Variants in ADAM10 observed in about 807,000 individuals in gnomAD.
ADAM10 encodes ADAM metallopeptidase domain 10, also known as disintegrin and metalloproteinase domain-containing protein 10.
In ADAM10, 17 loss-of-function variants were observed where a neutral mutation model predicts 90.1. That is an observed-to-expected ratio of 0.19 (90% confidence interval 0.13 to 0.28). The LOEUF (loss-of-function observed/expected upper bound fraction) is 0.28. Ranked by LOEUF, ADAM10 falls within the 10% of genes least tolerant of loss-of-function variation. The pLI is 1.00. For synonymous variants in ADAM10, 310 were observed against 298.6 expected (o/e 1.04, Z -0.40); for missense variants, 610 against 914.3 (o/e 0.67, Z 4.29).
At chr15:58,630,659 T>C (rs1356365771) in intron 9 of ADAM10, among the ~76,000 whole-genome samples, 2 of 152,150 alleles carry the variant, frequency 1.3e-5, no homozygotes, top group Non-Finnish European at 2.9e-5. Context: ...GCACAATAAA[T>C]ATTTCAGATA....
chr15:58,610,727 T>C, intron 13 of ADAM10: 3 of 660,534 alleles, frequency 4.5e-6, no homozygotes, highest in Non-Finnish European at 8.0e-6. Context: ...AAGTCTTGAC[T>C]CAGTGTCCAC....
At chr15:58,682,990 G>A (rs949512267) in intron 2 of ADAM10, among the ~76,000 whole-genome samples, 23 of 152,224 alleles carry the variant, frequency 1.5e-4, no homozygotes, top group African/African-American at 1.2e-4. Flanking sequence ...GTTTAGAATC[G>A]AATTGGAATC....
intron 2 of ADAM10, among the ~76,000 whole-genome samples, chr15:58,709,959 T>C (rs1898421415): frequency 6.6e-6 from 1 of 152,064 alleles, no homozygotes; most frequent in Non-Finnish European, 1.5e-5. Context: ...ATTCCCTCTC[T>C]TCCAGGTAAG....
In ADAM10 at chr15:58,592,772, T is replaced by C. The variant is rs1894850681; in HGVS notation, c.*4775A>G. 1 of 146,632 alleles carries C rather than the reference T, an allele frequency of 6.8e-6. No individual in the cohort carries two copies. The highest frequency in any genetic ancestry group is 2.0e-4 in the East Asian group (1 of 4,908). 9.1% of individuals were successfully genotyped at this position (146,632 alleles called of 1,614,324 possible). ...GATTTAATATATATATATATATATA[T>C]TAAATCGTGGTAGTATAACTTGGTA... On this transcript the variant is annotated 3_prime_UTR_variant, in exon 16 of 16. Transcript: ENST00000260408.
chr15:58,662,015 G>C (rs1321359835), intron 5 of ADAM10, among the ~76,000 whole-genome samples: 1 of 151,938 alleles, frequency 6.6e-6, no homozygotes, highest in Non-Finnish European at 1.5e-5. Flanking sequence ...GTCCTTGCCT[G>C]TTAACATCTG....
At chr15:58,659,326 T>A (rs1337454344) in intron 5 of ADAM10, among the ~76,000 whole-genome samples, 1 of 152,024 alleles carries the variant, frequency 6.6e-6, no homozygotes, top group Non-Finnish European at 1.5e-5. Context: ...AAGGACTTAG[T>A]CTCTCACTTT....
At chr15:58,690,520 AC>A (rs1897748595) in intron 2 of ADAM10, among the ~76,000 whole-genome samples, 1 of 152,220 alleles carries the variant, frequency 6.6e-6, no homozygotes, top group Admixed American at 6.5e-5. Flanking sequence ...AAAATAAACA[AC>A]AACAAAAAAA....
intron 1 of ADAM10, among the ~76,000 whole-genome samples, chr15:58,725,669 G>C (rs1348921537): frequency 6.6e-6 from 1 of 151,780 alleles, no homozygotes; most frequent in Non-Finnish European, 1.5e-5. Flanking sequence ...AGCACTAAAG[G>C]AGCCAGAAAA....
chr15:58,601,807 T>C (rs1706193152), intron 14 of ADAM10, among the ~76,000 whole-genome samples: 1 of 152,222 alleles, frequency 6.6e-6, no homozygotes, highest in South Asian at 2.1e-4. Context: ...CTTTTGAAGA[T>C]TACAGGGCAG....
At chr15:58,643,735 G>T in intron 7 of ADAM10, 151 bp downstream of exon 7, 1 of 664,038 alleles carries the variant, frequency 1.5e-6, no homozygotes, top group Non-Finnish European at 2.7e-6. Context: ...GTGTGTAAAT[G>T]CCAGGAGTAA....
chr15:58,665,559 C>G lies in ADAM10; in HGVS notation c.485-362G>C, dbSNP rs145382098. ...TCTGGCAGGGGTCAAGAGAATCCTT[C>G]TGCAGTATTCCTGAGCTCCATCAGG... On this transcript the variant is annotated intron_variant, in intron 4 of 15. Coordinates refer to ENST00000260408, the MANE Select transcript of ADAM10 (RefSeq NM_001110.4). Among the ~76,000 whole-genome samples, 927 of 152,164 alleles carry G rather than the reference C, an allele frequency of 6.1e-3. 9 individuals are homozygous for G. The highest frequency in any genetic ancestry group is 0.021 in the African/African-American group (891 of 41,536).
intron 2 of ADAM10, among the ~76,000 whole-genome samples, chr15:58,682,870 G>A (rs774149503): frequency 2.1e-4 from 32 of 152,030 alleles, no homozygotes; most frequent in African/African-American, 4.4e-4. Flanking sequence ...TGGGAATGCC[G>A]AAAGACCAGG....
chr15:58,731,877 G>A (rs1252848303), intron 1 of ADAM10, among the ~76,000 whole-genome samples: 4 of 152,122 alleles, frequency 2.6e-5, no homozygotes, highest in Middle Eastern at 6.3e-3. Flanking sequence ...CTGGACAAGG[G>A]GAACATTCTC....
chr15:58,636,215 T>C (rs919298810), intron 8 of ADAM10, among the ~76,000 whole-genome samples: 2 of 150,972 alleles, frequency 1.3e-5, no homozygotes, highest in African/African-American at 4.9e-5. Flanking sequence ...AGGCGGGGGT[T>C]GCCATGAGCA....
intron 5 of ADAM10, among the ~76,000 whole-genome samples, chr15:58,657,964 G>A (rs962907837): frequency 3.3e-5 from 5 of 151,080 alleles, no homozygotes; most frequent in Non-Finnish European, 5.9e-5. Context: ...GAGACATTGT[G>A]GACATTTTCT....
Position 58,640,911 on chromosome 15 carries a change from G to C in ADAM10, c.878C>G (p.Pro293Arg). 1 of 1,614,072 alleles carries C rather than the reference G, an allele frequency of 6.2e-7. No individual in the cohort carries two copies. Among genetic ancestry groups the C allele is most frequent in the Non-Finnish European group, 8.5e-7 (1 of 1,179,982 alleles). Residue 293 changes from proline (P) to arginine (R), a missense_variant, in exon 8 of 16, where the codon CCA becomes CGA. Pro to Arg is a moderately radical substitution (Grantham distance 103, BLOSUM62 -2). Around this residue, in one of 4 missense-constraint regions of ADAM10, gnomAD observed 310 missense variants for 362.4 expected, o/e 0.86. Transcript: ENST00000260408. ...CAGAAACTTCTCCACACCAATATTT[G>C]GGAAACGGAAAGGATTTGTAGGGTC... Reference protein sequence around the residue: ...EKDPTNPFRFPNIGVEKFLEL... With the variant: ...EKDPTNPFRFRNIGVEKFLEL...
chr15:58,649,846 A>G (rs2140703093), intron 5 of ADAM10, among the ~76,000 whole-genome samples: 1 of 152,266 alleles, frequency 6.6e-6, no homozygotes, highest in East Asian at 1.9e-4. Flanking sequence ...CATTGGAAAA[A>G]TTCTCAGCCA....
At chr15:58,690,126 A>C (rs1490352300) in intron 2 of ADAM10, among the ~76,000 whole-genome samples, 2 of 152,214 alleles carry the variant, frequency 1.3e-5, no homozygotes, top group East Asian at 3.8e-4. Context: ...CCGCATTCAA[A>C]GGGGAGAAAA....
At chr15:58,601,823 T>G (rs1895119683) in intron 14 of ADAM10, among the ~76,000 whole-genome samples, 1 of 152,210 alleles carries the variant, frequency 6.6e-6, no homozygotes, top group African/African-American at 2.4e-5. Flanking sequence ...GGCAGTTATT[T>G]TGCATGGGAA....
Sources: allele counts gnomAD v4.1 joint callset (sites outside exome capture counted in the v4.1 genomes callset), GRCh38; gene constraint gnomAD v4.1.1; regional missense constraint gnomAD v4.1.1; transcripts MANE v1.5; gene names NCBI Gene and HGNC (gene_info 2026-07-23, HGNC 2026-07-21).